SPACA6: variants seen among roughly 807,000 people sequenced by gnomAD.
SPACA6 encodes sperm acrosome membrane-associated protein 6.
For missense variants in SPACA6, 8 were observed against 2.8 expected (o/e 2.88, Z -1.34); for synonymous variants, 6 against 1.5 (o/e 4.05, Z -2.21).
intron 1 of SPACA6, 85 bp downstream of exon 1, chr19:51,693,825 A>G (rs933931264): frequency 5.0e-6 from 2 of 402,118 alleles, no homozygotes; most frequent in Non-Finnish European, 8.8e-6. Context: ...AGGCTGAGGG[A>G]CAGACAGAGA....
chr19:51,707,561 A>G (rs912379589), downstream of SPACA6, among the ~76,000 whole-genome samples: 2 of 152,086 alleles, frequency 1.3e-5, no homozygotes, highest in African/African-American at 4.8e-5. Flanking sequence ...CTGACACTAC[A>G]TGTATGGGAT....
At position 51,704,129 on chromosome 19, in the gene SPACA6, T is replaced by G; in HGVS notation, c.673T>G (p.Ser225Ala). 2.5e-6 allele frequency: 1 copy of G among 401,132 alleles called. No individual in the cohort carries two copies. The highest frequency in any genetic ancestry group is 4.4e-6 in the Non-Finnish European group (1 of 226,176). 24.8% of individuals were successfully genotyped at this position (401,132 alleles called of 1,614,324 possible). The change falls in exon 7 of 9, where the codon TCC becomes GCC. Residue 225 changes from serine (S) to alanine (A), a missense_variant. Transcript: ENST00000637797. ...PAQLTHRGTFSCVIKQDQRPL... is the reference protein window; with the variant it reads ...PAQLTHRGTFACVIKQDQRPL... ...TCAGCTCACGCACCGCGGGACGTTC[T>G]CCTGCGTGATCAAGCAAGACCAGCG...
chr19:51,689,004 A>G (rs559145546), upstream of SPACA6: 1 of 151,366 alleles, frequency 6.6e-6, no homozygotes. Context: ...AGGAGAGAAG[A>G]GGGAGGGAGG....
Position 51,704,358 on chromosome 19 carries a change from C to G in SPACA6, c.819C>G (p.Ile273Met), listed in dbSNP as rs985569914. 6.0e-5 allele frequency: 24 copies of G among 400,916 alleles called. No homozygotes were observed. Among genetic ancestry groups the G allele is most frequent in the African/African-American group, 4.3e-4 (21 of 48,688 alleles). 24.8% of individuals were successfully genotyped at this position (400,916 alleles called of 1,614,324 possible). A position where few individuals can be genotyped will look rare whatever the true frequency, so the allele number is the denominator to read the frequency against. ...LRWAPRDAEL[I>M]EPWRPSLGEL... ...GGGCGCCGCGGGATGCCGAGCTGATCGAGCCCTGGAGGCCCAGCCTGGGCG... is the reference window on the plus strand; with the variant it reads ...GGGCGCCGCGGGATGCCGAGCTGATGGAGCCCTGGAGGCCCAGCCTGGGCG... Residue 273 changes from isoleucine (I) to methionine (M), a missense_variant, in exon 8 of 9, where the codon ATC (isoleucine) becomes ATG (methionine). By Grantham distance (10) the Ile-to-Met change is conservative. Transcript: ENST00000637797.
chr19:51,713,064 T>G, downstream of SPACA6: 1 of 205,424 alleles, frequency 4.9e-6, no homozygotes, highest in Non-Finnish European at 9.6e-6. This position sits in a 1 kb window ranked among gnomAD's most constrained non-coding sequence, Gnocchi z 4.5. Flanking sequence ...GCGTCCCCAA[T>G]TCTCAATCAT....
intron 2 of SPACA6, among the ~76,000 whole-genome samples, chr19:51,711,671 A>G (rs765790705): frequency 1.2e-4 from 19 of 152,184 alleles, no homozygotes; most frequent in Non-Finnish European, 2.5e-4. Context: ...CATAAACACA[A>G]TGCAATATAG....
chr19:51,690,945 T>C (rs2083365439), upstream of SPACA6, among the ~76,000 whole-genome samples: 1 of 151,530 alleles, frequency 6.6e-6, no homozygotes, highest in Admixed American at 6.6e-5. Context: ...CCCTTCCCCT[T>C]CCTCCCCACC....
downstream of SPACA6, among the ~76,000 whole-genome samples, chr19:51,707,786 T>C (rs1305805483): frequency 6.6e-6 from 1 of 152,170 alleles, no homozygotes; most frequent in Non-Finnish European, 1.5e-5. Flanking sequence ...AGTAATTTGC[T>C]AGAATAGCTT....
rs377304170 is a variant in SPACA6 at position 51,701,177 on chromosome 19, G to A, written c.293-481G>A. Among the ~76,000 whole-genome samples the A allele has an allele frequency of 1.3e-4, 20 of 152,218 alleles. No homozygotes were observed. In the South Asian group the frequency reaches 1.9e-3, roughly 14 times the overall value. ...GCGGAGGTTGCGGTGAGCCGAGATC[G>A]CACCACTGCACTCCAGCCTGGGTGA... On this transcript the variant is annotated intron_variant, in intron 2 of 8. Coordinates refer to ENST00000637797, the MANE Select transcript of SPACA6 (RefSeq NM_001316972.2).
At chr19:51,707,201 C>G (rs1343007036), downstream of SPACA6, among the ~76,000 whole-genome samples, 1 of 150,306 alleles carries the variant, frequency 6.7e-6, no homozygotes, top group East Asian at 1.9e-4. Flanking sequence ...TTCTAGTGGA[C>G]AGTAAAACAA....
rs1213909592 is a variant in SPACA6, at chr19:51,693,642, G to A, written c.116G>A (p.Arg39His). ...TTCACAACCTACTCTGAGCGCCTCC[G>A]CATCTGCCAGATGTTTGTTGGGATG... ...LCFTTYSERLRICQMFVGMRS... is the reference protein window; with the variant it reads ...LCFTTYSERLHICQMFVGMRS... Residue 39 changes from arginine (R) to histidine (H), a missense_variant, in exon 1 of 9, where the codon CGC becomes CAC. Transcript: ENST00000637797. The A allele has an allele frequency of 1.7e-5, 7 of 414,336 alleles. No homozygotes were observed. The highest frequency in any genetic ancestry group is 3.5e-5 in the East Asian group (1 of 28,936). 25.7% of individuals were successfully genotyped at this position (414,336 alleles called of 1,614,324 possible). A position where few individuals can be genotyped will look rare whatever the true frequency, so the allele number is the denominator to read the frequency against.
chr19:51,695,888 G>T (rs2083427670), intron 2 of SPACA6, among the ~76,000 whole-genome samples: 1 of 152,178 alleles, frequency 6.6e-6, no homozygotes, highest in Non-Finnish European at 1.5e-5. Context: ...GGCTGTTTTG[G>T]GAAGCATAGA....
At chr19:51,707,959 G>A (rs1005017405), downstream of SPACA6, among the ~76,000 whole-genome samples, 5 of 152,342 alleles carry the variant, frequency 3.3e-5, no homozygotes, top group Admixed American at 6.5e-5. Context: ...CTGTCAGTGC[G>A]TGGATGCACT....
downstream of SPACA6, among the ~76,000 whole-genome samples, chr19:51,710,208 T>A (rs893568321): frequency 6.6e-6 from 1 of 152,246 alleles, no homozygotes; most frequent in Non-Finnish European, 1.5e-5. Flanking sequence ...TGTGGCTCAC[T>A]CTTAACTCTT....
intron 2 of SPACA6, among the ~76,000 whole-genome samples, chr19:51,695,038 G>A (rs1399495259): frequency 2.0e-5 from 3 of 149,270 alleles, no homozygotes; most frequent in African/African-American, 7.7e-5. Context: ...ACACACACTC[G>A]CACACAGACA....
At chr19:51,700,376 T>A (rs1430302854) in intron 2 of SPACA6, among the ~76,000 whole-genome samples, 1 of 151,964 alleles carries the variant, frequency 6.6e-6, no homozygotes, top group Non-Finnish European at 1.5e-5. Flanking sequence ...TTCAAGGGAG[T>A]GACTGCTACC....
rs749086736 is a variant in SPACA6 at position 51,693,595 on chromosome 19, C to T, written c.69C>T (p.Pro23=). The part of the protein sequence containing the change: ...ALLALAVFRV[P]AWACLLCFTT... ...TGGCCCTGGCTGTCTTCAGGGTGCC[C>T]GCCTGGGCCTGTCTCCTCTGCTTCA... Residue 23 remains proline, a synonymous_variant, in exon 1 of 9, where the codon CCC becomes CCT. Transcript: ENST00000637797. 54 of 431,890 alleles carry T rather than the reference C, an allele frequency of 1.3e-4. No homozygotes were observed. Among genetic ancestry groups the T allele is most frequent in the East Asian group, 9.2e-4 (28 of 30,438 alleles). 26.8% of individuals were successfully genotyped at this position (431,890 alleles called of 1,614,324 possible).
At position 51,703,142 on chromosome 19, in the gene SPACA6, A is replaced by G; in HGVS notation, c.463+44A>G. Reference sequence around the variant, plus strand: ...GGGGTGCAGGAGGCCAACCTGAGAAAAGGGACCAGAGCACCGAGGGGCATA... The same window carrying G: ...GGGGTGCAGGAGGCCAACCTGAGAAGAGGGACCAGAGCACCGAGGGGCATA... On this transcript the variant is annotated intron_variant, in intron 5 of 8. Coordinates refer to ENST00000637797, the MANE Select transcript of SPACA6 (RefSeq NM_001316972.2). The surrounding 1 kb of genome is among the most constrained non-coding windows in gnomAD (Gnocchi z 4.2). The G allele has an allele frequency of 2.5e-6, 1 of 399,798 alleles. No individual in the cohort carries two copies. Among genetic ancestry groups the G allele is most frequent in the Non-Finnish European group, 4.4e-6 (1 of 226,594 alleles). 24.8% of individuals were successfully genotyped at this position (399,798 alleles called of 1,614,324 possible). A position where few individuals can be genotyped will look rare whatever the true frequency, so the allele number is the denominator to read the frequency against.
chr19:51,683,323 T>G, the SPACA6 span, among the ~76,000 whole-genome samples: 5 of 152,190 alleles, frequency 3.3e-5, no homozygotes, highest in African/African-American at 1.2e-4. Flanking sequence ...TAGGGCCCAC[T>G]CTAATCCAGT....
Sources: gnomAD v4.1 joint callset for allele counts (sites outside exome capture counted in the v4.1 genomes callset) on GRCh38, gnomAD v4.1.1 for gene constraint, Gnocchi (gnomAD v3.1) non-coding constraint, MANE v1.5 for transcripts, NCBI Gene and HGNC (gene_info 2026-07-23, HGNC 2026-07-21) for gene names.